SLC25A40: variants seen among roughly 807,000 people sequenced by gnomAD.
The protein encoded by SLC25A40 is solute carrier family 25 member 40.
SLC25A40 carries 41 observed loss-of-function variants against 46.5 expected under a neutral mutation model. The observed-to-expected ratio is 0.88, with a 90% CI of 0.69 to 1.14. The LOEUF is 1.14. Ranked by LOEUF, SLC25A40 falls within the 50% of genes most tolerant of loss-of-function variation. The pLI is 0.00. For synonymous variants in SLC25A40, 126 were observed against 127.5 expected (o/e 0.99, Z 0.08); for missense variants, 386 against 393.6 (o/e 0.98, Z 0.16).
intron 6 of SLC25A40, among the ~76,000 whole-genome samples, chr7:87,849,200 G>A (rs1280319725): frequency 6.6e-6 from 1 of 152,124 alleles, no homozygotes. Context: ...CCATATGCTT[G>A]TGTAGCAAAG....
chr7:87,861,319 T>G (rs1838695499), intron 1 of SLC25A40, among the ~76,000 whole-genome samples: 1 of 152,210 alleles, frequency 6.6e-6, no homozygotes, highest in African/African-American at 2.4e-5. Flanking sequence ...TGAGGGTAAC[T>G]AGTGATATGT....
At chr7:87,845,962 A>G (rs572622985) in intron 8 of SLC25A40, among the ~76,000 whole-genome samples, 2 of 152,322 alleles carry the variant, frequency 1.3e-5, no homozygotes, top group South Asian at 4.1e-4. Flanking sequence ...AAATGTATGT[A>G]TATCTATGAA....
At chr7:87,868,094 C>A (rs1838833837) in intron 1 of SLC25A40, among the ~76,000 whole-genome samples, 1 of 152,084 alleles carries the variant, frequency 6.6e-6, no homozygotes, top group African/African-American at 2.4e-5. Flanking sequence ...ATATTTCTAC[C>A]TTCAGGCACT....
chr7:87,841,589 AC>A, intron 10 of SLC25A40, 43 bp downstream of exon 10: 1 of 1,230,770 alleles, frequency 8.1e-7, no homozygotes, highest in Non-Finnish European at 1.1e-6. Context: ...GTAAGGAAAA[AC>A]AAAAATGGCA....
chr7:87,875,536 T>G (rs1284602742), intron 1 of SLC25A40, among the ~76,000 whole-genome samples: 2 of 150,372 alleles, frequency 1.3e-5, no homozygotes, highest in African/African-American at 4.9e-5. Context: ...CTCTTCCTCC[T>G]GAAGAAACAG....
At chr7:87,847,202 T>C in intron 7 of SLC25A40, 80 bp from the exon 8 acceptor site, 1 of 1,064,424 alleles carries the variant, frequency 9.4e-7, no homozygotes, top group Non-Finnish European at 1.3e-6. Context: ...AAAATTAATA[T>C]TCACAGATTT....
At chr7:87,847,573 C>T (rs555516169) in intron 7 of SLC25A40, among the ~76,000 whole-genome samples, 32 of 152,230 alleles carry the variant, frequency 2.1e-4, no homozygotes, top group African/African-American at 7.7e-4. Context: ...TCCCAGATGA[C>T]ACCTCAGAAG....
rs1300465588 is a variant in SLC25A40, at chr7:87,833,893, TTAAA to T, written c.*2352_*2355del. On this transcript the variant is annotated 3_prime_UTR_variant, in exon 12 of 12. Transcript: ENST00000341119. Reference sequence around the variant, plus strand: ...GGAAAAATTTAAAAAACATATGCAGTTAAATAACCATAATGAATAGTTTTCCTAG... The same window carrying T: ...GGAAAAATTTAAAAAACATATGCAGTTAACCATAATGAATAGTTTTCCTAG... 1 of 151,776 alleles carries T rather than the reference TTAAA, an allele frequency of 6.6e-6. No homozygotes were observed. The highest frequency in any genetic ancestry group is 1.5e-5 in the Non-Finnish European group (1 of 67,868). 9.4% of individuals were successfully genotyped at this position (151,776 alleles called of 1,614,324 possible).
intron 1 of SLC25A40, among the ~76,000 whole-genome samples, chr7:87,862,633 T>A (rs752981790): frequency 2.6e-5 from 4 of 152,228 alleles, no homozygotes; most frequent in Non-Finnish European, 5.9e-5. Context: ...CAAATATGTG[T>A]TAAATGCAAT....
intron 1 of SLC25A40, among the ~76,000 whole-genome samples, chr7:87,866,601 G>C (rs1040982349): frequency 6.6e-6 from 1 of 152,170 alleles, no homozygotes; most frequent in Non-Finnish European, 1.5e-5. Context: ...GAGGAGAAAC[G>C]TCTCCTTATT....
At chr7:87,855,754 T>C (rs1202977979) in intron 4 of SLC25A40, among the ~76,000 whole-genome samples, 1 of 152,206 alleles carries the variant, frequency 6.6e-6, no homozygotes, top group Admixed American at 6.5e-5. Flanking sequence ...ACACGTGTTT[T>C]CTGCCACTTA....
intron 3 of SLC25A40, among the ~76,000 whole-genome samples, chr7:87,858,072 CAG>C (rs1838642439): frequency 6.6e-6 from 1 of 152,174 alleles, no homozygotes; most frequent in Admixed American, 6.5e-5. Flanking sequence ...TGGTCTCCTG[CAG>C]TACCCTCAGG....
chr7:87,862,387 C>G (rs537339595), intron 1 of SLC25A40, among the ~76,000 whole-genome samples: 1 of 152,262 alleles, frequency 6.6e-6, no homozygotes, highest in Non-Finnish European at 1.5e-5. Context: ...CTGAAGTAAC[C>G]ATTAATAATT....
At chr7:87,840,321 C>G (rs923707675) in intron 10 of SLC25A40, among the ~76,000 whole-genome samples, 2 of 151,672 alleles carry the variant, frequency 1.3e-5, no homozygotes, top group South Asian at 2.1e-4. Context: ...ACCTCAGATT[C>G]ATTAAATGAG....
At chr7:87,861,193 G>T (rs1428248355) in intron 1 of SLC25A40, among the ~76,000 whole-genome samples, 1 of 152,054 alleles carries the variant, frequency 6.6e-6, no homozygotes, top group Non-Finnish European at 1.5e-5. Flanking sequence ...TGATTTATTT[G>T]AATCAAAGGT....
chr7:87,839,929 A>T (rs141492308), intron 10 of SLC25A40, among the ~76,000 whole-genome samples: 88 of 151,912 alleles, frequency 5.8e-4, no homozygotes, highest in East Asian at 3.7e-3. Flanking sequence ...TGTGGAACAA[A>T]GGAAGTCACT....
chr7:87,850,574 C>T (rs533316905), intron 5 of SLC25A40, among the ~76,000 whole-genome samples: 160 of 152,130 alleles, frequency 1.1e-3, no homozygotes, highest in Non-Finnish European at 1.8e-3. Flanking sequence ...TCGACATCAG[C>T]CTGGGCAATA....
chr7:87,839,871 T>G (rs1286292026), intron 10 of SLC25A40, among the ~76,000 whole-genome samples: 1 of 151,780 alleles, frequency 6.6e-6, no homozygotes, highest in African/African-American at 2.4e-5. Flanking sequence ...ATGCAACACT[T>G]CATATTTTCT....
intron 1 of SLC25A40, among the ~76,000 whole-genome samples, chr7:87,861,235 G>C (rs765382834): frequency 6.6e-6 from 1 of 152,116 alleles, no homozygotes; most frequent in East Asian, 1.9e-4. Flanking sequence ...AGAGTAAACT[G>C]TTCTAGATTA....
Sources: gnomAD v4.1 joint callset for allele counts (sites outside exome capture counted in the v4.1 genomes callset) on GRCh38, gnomAD v4.1.1 for gene constraint, MANE v1.5 for transcripts, NCBI Gene and HGNC (gene_info 2026-07-23, HGNC 2026-07-21) for gene names.